STS: variants seen among roughly 807,000 people sequenced by gnomAD.
The protein encoded by STS is steryl-sulfatase.
STS carries 7 observed loss-of-function variants against 26.8 expected under a neutral mutation model. The observed-to-expected ratio is 0.26, with a 90% CI of 0.15 to 0.49. STS has a LOEUF of 0.49. Among genes scored for constraint, STS ranks in the 20% least tolerant of loss-of-function variants. The pLI is 0.98. For missense variants in STS, 434 were observed against 465.6 expected, an observed-to-expected ratio of 0.93 and a Z score of 0.63; for synonymous variants, 199 against 189.4, an observed-to-expected ratio of 1.05 and a Z score of -0.42.
In STS at chrX:7,275,939, T is replaced by TC; in HGVS notation, c.807-12_807-11insC. 1 of 1,150,113 alleles carries TC rather than the reference T, an allele frequency of 8.7e-7. No homozygotes were observed. Among genetic ancestry groups the TC allele is most frequent in the East Asian group, 3.3e-5 (1 of 30,472 alleles). The allele number at this position is 1,150,113 out of a possible 1,213,427, so 94.8% of individuals were successfully genotyped here. A position where few individuals can be genotyped will look rare whatever the true frequency, so the allele number is the denominator to read the frequency against. ...TCTTTTTTTTCCTCCCTTTTTTTTT[T>TC]TTTTTTTGCAGGAACACTGAGACTC... On this transcript the variant is annotated splice_polypyrimidine_tract_variant and intron_variant, in intron 6 of 10. Transcript: ENST00000674429.
chrX:7,303,469 A>T (rs1189435821), intron 7 of STS, among the ~76,000 whole-genome samples: 1 of 111,129 alleles, frequency 9.0e-6, no homozygotes, highest in African/African-American at 3.3e-5. Flanking sequence ...TTGCATGCAG[A>T]CAGGGGCTTG....
intron 9 of STS, among the ~76,000 whole-genome samples, chrX:7,333,609 G>C (rs1927867165): frequency 8.9e-6 from 1 of 112,298 alleles, no homozygotes; most frequent in Admixed American, 9.5e-5. Flanking sequence ...CCTTTGATCA[G>C]GCAATAGACA....
chrX:7,230,427 C>T (rs1314972842), intron 2 of STS, among the ~76,000 whole-genome samples: 1 of 111,727 alleles, frequency 9.0e-6, no homozygotes, highest in African/African-American at 3.3e-5. Context: ...AAAGTGAAAG[C>T]AACCCAGACA....
chrX:7,248,827 A>G (rs1026576075), intron 2 of STS, among the ~76,000 whole-genome samples: 3 of 111,284 alleles, frequency 2.7e-5, no homozygotes, highest in Non-Finnish European at 5.6e-5. Flanking sequence ...TTCATCTTGC[A>G]AAACTGAAAC....
At chrX:7,301,221 C>G (rs1925949064) in intron 7 of STS, among the ~76,000 whole-genome samples, 1 of 63,664 alleles carries the variant, frequency 1.6e-5, no homozygotes. Context: ...GACCCAATCT[C>G]TACAACGAAT....
chrX:7,153,222 C>T (rs1156486156), intron 1 of STS, among the ~76,000 whole-genome samples: 1 of 111,145 alleles, frequency 9.0e-6, no homozygotes, highest in East Asian at 2.8e-4. Flanking sequence ...GCCCCTCTCT[C>T]CCTTTCTCCT....
chrX:7,181,592 C>T (rs995302383), intron 1 of STS, among the ~76,000 whole-genome samples: 10 of 111,920 alleles, frequency 8.9e-5, no homozygotes, highest in African/African-American at 3.2e-4. Flanking sequence ...TGAACCTGGG[C>T]ATCCCCACCA....
intron 9 of STS, among the ~76,000 whole-genome samples, chrX:7,329,103 A>G (rs1927626239): frequency 8.9e-6 from 1 of 112,577 alleles, no homozygotes; most frequent in South Asian, 3.7e-4. Context: ...AGCACAGGTT[A>G]GAAAACAGAA....
chrX:7,334,161 G>A, intron 10 of STS, 54 bp downstream of exon 10: 1 of 1,208,543 alleles, frequency 8.3e-7, no homozygotes, highest in Non-Finnish European at 1.1e-6. Flanking sequence ...CTATGCCATG[G>A]GAATAGATAA....
chrX:7,178,456 C>T (rs1313489217), intron 1 of STS, among the ~76,000 whole-genome samples: 1 of 111,560 alleles, frequency 9.0e-6, no homozygotes, highest in Non-Finnish European at 1.9e-5. Flanking sequence ...CCCGCTGCCG[C>T]ATCGTGGGCA....
intron 2 of STS, among the ~76,000 whole-genome samples, chrX:7,229,359 G>C (rs1290381337): frequency 9.0e-6 from 1 of 111,599 alleles, no homozygotes; most frequent in African/African-American, 3.3e-5. Context: ...CTTAGGATCT[G>C]AGCATTGGTG....
intron 1 of STS, among the ~76,000 whole-genome samples, chrX:7,166,695 T>C (rs904471403): frequency 3.6e-5 from 4 of 111,788 alleles, no homozygotes; most frequent in Admixed American, 1.9e-4. Flanking sequence ...AGATTTTTAG[T>C]TGGACATGAT....
Position 7,217,489 on chromosome X carries a change from G to A in STS, c.-5+26481G>A, listed in dbSNP as rs151315692. The stretch of plus-strand genomic sequence containing the variant: ...CAACACCTTCCCTCCTGAGCATGTC[G>A]GCCCCCTATGGCCATGCACTTGCCA... On this transcript the variant is annotated intron_variant, in intron 2 of 10. Transcript: ENST00000674429. Among the ~76,000 whole-genome samples the A allele has an allele frequency of 3.8e-3, 429 of 111,487 alleles. 2 individuals carry two copies. The highest frequency in any genetic ancestry group is 0.013 in the African/African-American group (413 of 30,686).
intron 2 of STS, among the ~76,000 whole-genome samples, chrX:7,204,487 C>CCCTT (rs1347237866): frequency 9.7e-6 from 1 of 103,105 alleles, no homozygotes; most frequent in South Asian, 4.8e-4. Flanking sequence ...CTTCCTCCCT[C>CCCTT]CCTTCCTTCC....
In STS at chrX:7,259,350, G is replaced by A. The variant is rs1923604791; in HGVS notation, c.384G>A (p.Gly128=). Residue 128 remains glycine, a splice_region_variant and synonymous_variant, in exon 6 of 11, where the codon GGG becomes GGA. Transcript: ENST00000674429. ...GTGATCCCCCATTTGTCTTCTCAGGGAAATGGCACCTTGGGATGAGCTGTC... is the reference window on the plus strand; with the variant it reads ...GTGATCCCCCATTTGTCTTCTCAGGAAAATGGCACCTTGGGATGAGCTGTC... ...KDQGYSTALI[G]KWHLGMSCHS... 1 of 1,208,336 alleles carries A rather than the reference G, an allele frequency of 8.3e-7. No individual in the cohort carries two copies. Among genetic ancestry groups the A allele is most frequent in the Non-Finnish European group, 1.1e-6 (1 of 893,879 alleles).
chrX:7,324,249 A>G (rs371227183), intron 8 of STS, among the ~76,000 whole-genome samples: 183 of 110,923 alleles, frequency 1.6e-3, no homozygotes, highest in Middle Eastern at 0.014. Context: ...AGTTGATTTA[A>G]AGACCTGCAG....
In STS at chrX:7,325,405, T is replaced by C; in HGVS notation, c.1148T>C (p.Ile383Thr). Reference protein sequence around the residue: ...VPGILRWPRVIQAGQKIDEPT... With the variant: ...VPGILRWPRVTQAGQKIDEPT... Reference sequence around the variant, plus strand: ...GGCATCCTTCGTTGGCCCAGGGTGATACAGGCTGGCCAGAAGATTGATGAG... The same window carrying C: ...GGCATCCTTCGTTGGCCCAGGGTGACACAGGCTGGCCAGAAGATTGATGAG... The change falls in exon 9 of 11, where the codon ATA (isoleucine) becomes ACA (threonine). Residue 383 changes from isoleucine (I) to threonine (T), a missense_variant. Ile to Thr is a moderately conservative substitution (Grantham distance 89). Around this residue, in one of 2 missense-constraint regions of STS, gnomAD observed 205 missense variants for 177.3 expected, o/e 1.16. Coordinates refer to ENST00000674429, the MANE Select transcript of STS (RefSeq NM_001320752.2). The C allele has an allele frequency of 2.5e-6, 3 of 1,211,460 alleles. No homozygotes were observed. The highest frequency in any genetic ancestry group is 2.2e-5 in the Admixed American group (1 of 46,017).
chrX:7,347,258 G>C (rs1928567790), intron 10 of STS, among the ~76,000 whole-genome samples: 1 of 111,323 alleles, frequency 9.0e-6, no homozygotes, highest in Non-Finnish European at 1.9e-5. Context: ...GTGAGCCACT[G>C]TACAATAAAA....
rs1924704528 is a variant in STS, at chrX:7,279,309, ATATGTGTG to A, written c.943+3224_943+3231del. On this transcript the variant is annotated intron_variant, in intron 7 of 10. Transcript: ENST00000674429. ...AAAAAAAAAATATATATATATATAT[ATATGTGTG>A]TGTGTGTGTGTGTGTGTGTGTATGT... Among the ~76,000 whole-genome samples the A allele has an allele frequency of 8.8e-5, 3 of 34,259 alleles. No individual in the cohort carries two copies. In the South Asian group the frequency reaches 3.7e-3, roughly 42 times the overall value. 29.7% of individuals were successfully genotyped at this position (34,259 alleles called of 115,157 possible). A position where few individuals can be genotyped will look rare whatever the true frequency, so the allele number is the denominator to read the frequency against.
Sources: gnomAD v4.1 joint callset for allele counts (sites outside exome capture counted in the v4.1 genomes callset) on GRCh38, gnomAD v4.1.1 for gene constraint, gnomAD v4.1.1 regional missense constraint, MANE v1.5 for transcripts, NCBI Gene and HGNC (gene_info 2026-07-23, HGNC 2026-07-21) for gene names.